ESRRG: variants seen among roughly 807,000 people sequenced by gnomAD.
ESRRG encodes the protein estrogen related receptor gamma, also known as estrogen-related receptor gamma.
In ESRRG, 13 loss-of-function variants were observed where a neutral mutation model predicts 44.0. The observed-to-expected ratio is 0.30, with a 90% CI of 0.19 to 0.47. ESRRG has a LOEUF of 0.47. ESRRG is among the 20% of genes least tolerant of loss of function. The pLI is 1.00. For synonymous variants in ESRRG, 215 were observed against 214.6 expected (o/e 1.00, Z -0.02); for missense variants, 395 against 580.6 (o/e 0.68, Z 3.29).
intron 1 of ESRRG, among the ~76,000 whole-genome samples, chr1:217,136,389 G>A (rs2093049942): frequency 6.6e-6 from 1 of 152,180 alleles, no homozygotes; most frequent in Non-Finnish European, 1.5e-5. Flanking sequence ...TCCCAGAAGC[G>A]ACAATAACCC....
intron 1 of ESRRG, among the ~76,000 whole-genome samples, chr1:217,025,516 C>T (rs2081044530): frequency 6.6e-6 from 1 of 152,248 alleles, no homozygotes; most frequent in South Asian, 2.1e-4. Context: ...TTTTCAAAGA[C>T]AGTGGGGAAA....
At chr1:217,111,830 C>T (rs2092664468) in intron 1 of ESRRG, among the ~76,000 whole-genome samples, 1 of 152,160 alleles carries the variant, frequency 6.6e-6, no homozygotes, top group Non-Finnish European at 1.5e-5. Context: ...ATTGAGAAGA[C>T]TACAGACTCA....
intron 2 of ESRRG, among the ~76,000 whole-genome samples, chr1:216,764,934 G>A (rs1287915840): frequency 6.6e-6 from 1 of 152,188 alleles, no homozygotes; most frequent in Non-Finnish European, 1.5e-5. Flanking sequence ...GGGAGAGGGA[G>A]AGTTGTGTGG....
intron 2 of ESRRG, among the ~76,000 whole-genome samples, chr1:216,933,054 C>T (rs1349170255): frequency 1.3e-5 from 2 of 151,996 alleles, no homozygotes; most frequent in African/African-American, 4.8e-5. Flanking sequence ...CTCTGTAACT[C>T]AATTTCTCCA....
At position 216,551,488 on chromosome 1, in the gene ESRRG, C is replaced by T. The variant is rs540825753; in HGVS notation, c.862+12731G>A. Among the ~76,000 whole-genome samples, 14 of 152,080 alleles carry T rather than the reference C, an allele frequency of 9.2e-5. No homozygotes were observed. In the East Asian group the frequency reaches 1.6e-3, roughly 17 times the overall value. On this transcript the variant is annotated intron_variant, in intron 5 of 6. Transcript: ENST00000408911. Reference sequence around the variant, plus strand: ...ATGTACTCAACCATACAATATAGTACGGTTAGATTTAAATTAAATAATAAA... The same window carrying T: ...ATGTACTCAACCATACAATATAGTATGGTTAGATTTAAATTAAATAATAAA...
intron 2 of ESRRG, among the ~76,000 whole-genome samples, chr1:216,758,854 A>T (rs905600994): frequency 2.0e-5 from 3 of 152,044 alleles, no homozygotes; most frequent in Non-Finnish European, 4.4e-5. Context: ...CTTAATAATA[A>T]TATTATTATT....
At chr1:217,014,516 G>T (rs1317553311) in intron 1 of ESRRG, among the ~76,000 whole-genome samples, 1 of 152,072 alleles carries the variant, frequency 6.6e-6, no homozygotes, top group African/African-American at 2.4e-5. Flanking sequence ...CTCATTGGTT[G>T]TTTGCTCTCC....
chr1:216,740,828 G>A (rs2090590320), intron 2 of ESRRG, among the ~76,000 whole-genome samples: 1 of 151,974 alleles, frequency 6.6e-6, no homozygotes, highest in Non-Finnish European at 1.5e-5. Context: ...AGGCAGAGGT[G>A]CCCCTGTATT....
intron 2 of ESRRG, among the ~76,000 whole-genome samples, chr1:216,738,946 G>T (rs991065729): frequency 6.6e-6 from 1 of 152,032 alleles, no homozygotes; most frequent in African/African-American, 2.4e-5. Flanking sequence ...CAAACTTCTG[G>T]CCTGAAGTGA....
intron 2 of ESRRG, among the ~76,000 whole-genome samples, chr1:216,757,168 T>A (rs530538649): frequency 1.0e-3 from 157 of 152,188 alleles, no homozygotes; most frequent in African/African-American, 3.7e-3. Context: ...GCAGTAATTC[T>A]CTCTGCTCTG....
intron 2 of ESRRG, among the ~76,000 whole-genome samples, chr1:216,897,571 C>T (rs1262824877): frequency 6.6e-6 from 1 of 152,094 alleles, no homozygotes; most frequent in East Asian, 1.9e-4. Context: ...ACAGTTTTGA[C>T]TTATAATCAA....
intron 5 of ESRRG, among the ~76,000 whole-genome samples, chr1:216,528,308 C>A (rs11572811): frequency 5.3e-5 from 8 of 151,996 alleles, no homozygotes; most frequent in Non-Finnish European, 1.0e-4. Flanking sequence ...AAAGTCCTGC[C>A]TAAATTTATT....
chr1:216,771,381 A>T (rs886493877), intron 2 of ESRRG, among the ~76,000 whole-genome samples: 3 of 152,164 alleles, frequency 2.0e-5, no homozygotes, highest in Non-Finnish European at 4.4e-5. Context: ...ATGCCTTATA[A>T]TCTTTGCCAT....
intron 1 of ESRRG, among the ~76,000 whole-genome samples, chr1:216,716,754 A>G (rs975565109): frequency 6.6e-6 from 1 of 151,962 alleles, no homozygotes. Context: ...TGGCAATTTA[A>G]TAGGTATTTA....
chr1:217,079,437 G>A (rs1209319904), intron 1 of ESRRG, among the ~76,000 whole-genome samples: 1 of 152,202 alleles, frequency 6.6e-6, no homozygotes, highest in African/African-American at 2.4e-5. Flanking sequence ...GGAGCTGCCT[G>A]GGCAATTGGT....
chr1:216,808,555 C>A (rs1321974678), intron 2 of ESRRG, among the ~76,000 whole-genome samples: 1 of 152,066 alleles, frequency 6.6e-6, no homozygotes, highest in Admixed American at 6.6e-5. Flanking sequence ...GCCTCCCAAG[C>A]AGCTGAGACT....
intron 3 of ESRRG, among the ~76,000 whole-genome samples, chr1:216,603,685 T>C (rs971088241): frequency 6.6e-6 from 1 of 152,042 alleles, no homozygotes. Flanking sequence ...TCCCAGGACT[T>C]TGGGAGGCCG....
upstream of ESRRG, among the ~76,000 whole-genome samples, chr1:216,725,195 G>C (rs2087244786): frequency 6.6e-6 from 1 of 152,074 alleles, no homozygotes; most frequent in Non-Finnish European, 1.5e-5. Flanking sequence ...TAAGATATAG[G>C]CCTAATTCCT....
At chr1:217,055,422 T>C (rs942889144) in intron 1 of ESRRG, among the ~76,000 whole-genome samples, 1 of 152,072 alleles carries the variant, frequency 6.6e-6, no homozygotes, top group Non-Finnish European at 1.5e-5. Context: ...CTGCACAAGA[T>C]ATTCACTTTC....
Sources: allele counts gnomAD v4.1 joint callset (sites outside exome capture counted in the v4.1 genomes callset), GRCh38; gene constraint gnomAD v4.1.1; transcripts MANE v1.5; gene names NCBI Gene and HGNC (gene_info 2026-07-23, HGNC 2026-07-21).